Variants in AVL9 observed in about 807,000 individuals in gnomAD.
AVL9 encodes late secretory pathway protein AVL9 homolog.
In AVL9, 49 loss-of-function variants were observed where a neutral mutation model predicts 79.2. That is an observed-to-expected ratio of 0.62 (90% confidence interval 0.49 to 0.79). AVL9 has a LOEUF of 0.79. Ranked by LOEUF, AVL9 falls within the 30% of genes least tolerant of loss-of-function variation. AVL9 has a pLI of 0.00. For synonymous variants in AVL9, 299 were observed against 280.6 expected (o/e 1.07, Z -0.65); for missense variants, 682 against 776.8 (o/e 0.88, Z 1.45).
chr7:32,546,273 T>A lies in AVL9; in HGVS notation c.300+1494T>A, dbSNP rs189591649. 1.1e-4 allele frequency among the ~76,000 whole-genome samples: 17 copies of A among 152,212 alleles called. No homozygotes were observed. The East Asian group carries it at 3.1e-3, about 28-fold the overall frequency. On this transcript the variant is annotated intron_variant, in intron 3 of 15. Transcript: ENST00000318709. ...AGTACCTTGAGTACCTGTGTACCCA[T>A]CACCTAGACTCATAGACTGTGTGTC...
chr7:32,530,013 C>T (rs1344075241), intron 1 of AVL9, among the ~76,000 whole-genome samples: 1 of 152,154 alleles, frequency 6.6e-6, no homozygotes, highest in Non-Finnish European at 1.5e-5. Flanking sequence ...TGATTTATCC[C>T]TTATCCTATT....
intron 1 of AVL9, among the ~76,000 whole-genome samples, chr7:32,502,029 C>T (rs568723158): frequency 1.3e-5 from 2 of 151,528 alleles, no homozygotes; most frequent in African/African-American, 4.9e-5. Flanking sequence ...GTTTTTAAAT[C>T]ATATTTCAGT....
intron 1 of AVL9, among the ~76,000 whole-genome samples, chr7:32,518,054 C>A (rs1244850381): frequency 6.6e-6 from 1 of 152,216 alleles, no homozygotes; most frequent in Middle Eastern, 3.4e-3. Flanking sequence ...TGGTCTCAAA[C>A]TCCTGGCATC....
At chr7:32,499,546 CTG>C (rs778385272) in intron 1 of AVL9, among the ~76,000 whole-genome samples, 51 of 150,966 alleles carry the variant, frequency 3.4e-4, no homozygotes, top group African/African-American at 1.0e-3. Context: ...ATTTACCAAA[CTG>C]TATTTCTAAT....
intron 1 of AVL9, among the ~76,000 whole-genome samples, chr7:32,519,802 A>G (rs990407009): frequency 6.6e-6 from 1 of 152,220 alleles, no homozygotes; most frequent in Admixed American, 6.5e-5. Flanking sequence ...TTGTAAAGAT[A>G]AAAGGTTTAA....
chr7:32,544,237 C>T (rs896622293), intron 2 of AVL9, among the ~76,000 whole-genome samples: 2 of 152,170 alleles, frequency 1.3e-5, no homozygotes, highest in Admixed American at 6.5e-5. Flanking sequence ...TGAGATCATT[C>T]CCCAGTGTAA....
intron 3 of AVL9, 80 bp from the exon 4 acceptor site, chr7:32,548,767 T>C: frequency 9.9e-7 from 1 of 1,005,084 alleles, no homozygotes; most frequent in Non-Finnish European, 1.4e-6. Context: ...TTATATATAA[T>C]TTCTATTTTT....
chr7:32,558,979 A>G lies in AVL9; in HGVS notation c.730A>G (p.Ser244Gly), dbSNP rs1790206769. The change falls in exon 10 of 16, where the codon AGT becomes GGT. Residue 244 changes from serine (S) to glycine (G), a missense_variant. Ser to Gly is a moderately conservative substitution (Grantham distance 56). Transcript: ENST00000318709. ...CTGTTCTCAGTATAGACCCCGGAAA[A>G]GTATGTCTGAAGATGGTGGGCTTCA... The part of the protein sequence containing the change: ...SDCSQYRPRK[S>G]MSEDGGLQES... 6.2e-7 allele frequency: 1 copy of G among 1,612,432 alleles called. No individual in the cohort carries two copies. The highest frequency in any genetic ancestry group is 8.5e-7 in the Non-Finnish European group (1 of 1,179,300).
chr7:32,580,258 G>A lies in AVL9; in HGVS notation c.1728G>A (p.Lys576=), dbSNP rs746864999. 3.1e-5 allele frequency: 50 copies of A among 1,611,942 alleles called. No homozygotes were observed. The highest frequency in any genetic ancestry group is 3.9e-5 in the Non-Finnish European group (46 of 1,179,184). The change falls in exon 14 of 16, where the codon AAG becomes AAA. Residue 576 remains lysine, a synonymous_variant. Transcript: ENST00000318709. The stretch of plus-strand genomic sequence containing the variant: ...GCCAATACTCAGTATCAGACATGAA[G>A]TTAAGGTTCTCACAGTAAGTACTTA... The part of the protein sequence containing the change: ...FQGQYSVSDM[K]LRFSHSVQNS...
chr7:32,533,463 A>T (rs1415427107), intron 1 of AVL9: 4 of 152,236 alleles, frequency 2.6e-5, no homozygotes, highest in Non-Finnish European at 4.4e-5. Flanking sequence ...AGCTGTTTCA[A>T]ATCTATACTT....
chr7:32,575,841 C>T (rs191832326), intron 12 of AVL9, 114 bp from the exon 13 acceptor site: 52 of 703,288 alleles, frequency 7.4e-5, no homozygotes, highest in Admixed American at 3.1e-4. Context: ...TATCTCCCCA[C>T]AAATATGGGA....
intron 1 of AVL9, among the ~76,000 whole-genome samples, chr7:32,499,794 T>C (rs1330552393): frequency 6.6e-6 from 1 of 152,166 alleles, no homozygotes; most frequent in Non-Finnish European, 1.5e-5. Context: ...CCCCTCCCTG[T>C]GTCCATGTGT....
rs1791798190 is a variant in AVL9 at position 32,586,527 on chromosome 7, A to G, written c.*2620A>G. ...CTAGGCTCCAAGTGGCCAGCATAGA[A>G]GCAGCAGCCTCTCTCCAAACCCTGG... is the stretch of plus-strand genomic sequence containing the variant. On this transcript the variant is annotated 3_prime_UTR_variant, in exon 16 of 16. Coordinates refer to ENST00000318709, the MANE Select transcript of AVL9 (RefSeq NM_015060.3). 6.6e-6 allele frequency: 1 copy of G among 151,726 alleles called. No individual in the cohort carries two copies. Among genetic ancestry groups the G allele is most frequent in the Admixed American group, 6.6e-5 (1 of 15,230 alleles). The allele number at this position is 151,726 out of a possible 1,614,324, so 9.4% of individuals were successfully genotyped here. A position where few individuals can be genotyped will look rare whatever the true frequency, so the allele number is the denominator to read the frequency against.
rs866950052 is a variant in AVL9 at position 32,545,375 on chromosome 7, T to C, written c.300+596T>C. Among the ~76,000 whole-genome samples, 395 of 132,114 alleles carry C rather than the reference T, an allele frequency of 3.0e-3. 1 individual carries two copies. The highest frequency in any genetic ancestry group is 7.4e-3 in the Middle Eastern group (2 of 272). 86.7% of individuals were successfully genotyped at this position (132,114 alleles called of 152,430 possible). A position where few individuals can be genotyped will look rare whatever the true frequency, so the allele number is the denominator to read the frequency against. ...TATCTCTAAGATTTCTTTTTTTTTT[T>C]TTTTTTTTTTTTTTGAGGAGGAGTC... On this transcript the variant is annotated intron_variant, in intron 3 of 15. Coordinates refer to ENST00000318709, the MANE Select transcript of AVL9 (RefSeq NM_015060.3).
Position 32,508,034 on chromosome 7 carries a change from C to T in AVL9, c.93+12232C>T, listed in dbSNP as rs947910176. ...TCATTGGGCTATCCTCTTTTTGTGA[C>T]GCACATGCTCCAAATCTTATCCTGT... On this transcript the variant is annotated intron_variant, in intron 1 of 15. Transcript: ENST00000318709. Among the ~76,000 whole-genome samples, 9 of 152,268 alleles carry T rather than the reference C, an allele frequency of 5.9e-5. No homozygotes were observed. The South Asian group carries it at 8.3e-4, about 14-fold the overall frequency.
chr7:32,565,066 G>C (rs534154525), intron 10 of AVL9, among the ~76,000 whole-genome samples: 2 of 152,278 alleles, frequency 1.3e-5, no homozygotes, highest in Admixed American at 1.3e-4. Context: ...TCTTGTTACT[G>C]AAAGTGTTCT....
At chr7:32,503,406 A>ACACAC (rs1424274246) in intron 1 of AVL9, among the ~76,000 whole-genome samples, 8 of 145,834 alleles carry the variant, frequency 5.5e-5, no homozygotes, top group African/African-American at 1.0e-4. Flanking sequence ...ACACACACAC[A>ACACAC]AATTAGCCGG....
intron 10 of AVL9, among the ~76,000 whole-genome samples, chr7:32,567,690 A>AT (rs1215643014): frequency 6.6e-6 from 1 of 151,020 alleles, no homozygotes; most frequent in Non-Finnish European, 1.5e-5. Flanking sequence ...TTTATTTTTT[A>AT]TTTATTTTAT....
chr7:32,550,771 G>A (rs1290933713), intron 4 of AVL9, among the ~76,000 whole-genome samples: 2 of 152,154 alleles, frequency 1.3e-5, no homozygotes, highest in African/African-American at 4.8e-5. Context: ...ACTAGTTGTT[G>A]TGAGCCTCCA....
Sources: allele counts gnomAD v4.1 joint callset (sites outside exome capture counted in the v4.1 genomes callset), GRCh38; gene constraint gnomAD v4.1.1; transcripts MANE v1.5; gene names NCBI Gene and HGNC (gene_info 2026-07-23, HGNC 2026-07-21).